Variants in RAD50 observed in about 807,000 individuals in gnomAD.
The protein encoded by RAD50 is DNA repair protein RAD50.
A neutral mutation model predicts 168.8 loss-of-function variants in RAD50; 132 were observed. The observed-to-expected ratio is 0.78, with a 90% CI of 0.68 to 0.90. The LOEUF (loss-of-function observed/expected upper bound fraction) is 0.90. RAD50 is among the 40% of genes least tolerant of loss of function. The pLI, the probability that RAD50 is intolerant of heterozygous loss-of-function variation, is 0.00. For missense variants in RAD50, 1,347 were observed against 1,534.4 expected (o/e 0.88, Z 2.04); for synonymous variants, 525 against 497.4 (o/e 1.06, Z -0.74).
In RAD50 at chr5:132,604,946, G is replaced by A; in HGVS notation, c.2665G>A (p.Glu889Lys). ...TTTGCAACGTCGTCAGCAACTGGAG[G>A]AGCAGACTGTGGAATTATCCACTGA... Reference protein sequence around the residue: ...TNLQRRQQLEEQTVELSTEVQ... With the variant: ...TNLQRRQQLEKQTVELSTEVQ... The change falls in exon 16 of 25, where the codon GAG (glutamate) becomes AAG (lysine). Residue 889 changes from glutamate to lysine, a missense_variant. Transcript: ENST00000378823. 1.2e-6 allele frequency: 2 copies of A among 1,613,984 alleles called. No homozygotes were observed. Among genetic ancestry groups the A allele is most frequent in the African/African-American group, 2.7e-5 (2 of 75,052 alleles).
intron 21 of RAD50, among the ~76,000 whole-genome samples, chr5:132,628,628 C>T (rs920307924): frequency 2.0e-5 from 3 of 151,934 alleles, no homozygotes; most frequent in African/African-American, 7.3e-5. Context: ...GGTGGATCAC[C>T]TGAAGTCAGG....
At chr5:132,590,791 A>T (rs2149841924) in intron 9 of RAD50, among the ~76,000 whole-genome samples, 1 of 152,304 alleles carries the variant, frequency 6.6e-6, no homozygotes, top group Non-Finnish European at 1.5e-5. Context: ...TTAGCACTTC[A>T]TCAGTGTTGT....
In RAD50 at chr5:132,618,098, G is replaced by A. The variant is rs749322677; in HGVS notation, c.3193G>A (p.Asp1065Asn). The A allele has an allele frequency of 5.0e-6, 8 of 1,613,296 alleles. No homozygotes were observed. Among genetic ancestry groups the A allele is most frequent in the East Asian group, 4.5e-5 (2 of 44,812 alleles). The change falls in exon 21 of 25, where the codon GAC (aspartate) becomes AAC (asparagine). Residue 1065 changes from aspartate (D) to asparagine (N), a missense_variant. Physicochemically the swap from Asp to Asn is conservative, Grantham distance 23. This residue lies in a region of RAD50 where 635 missense variants were observed against 739.2 expected (regional missense o/e 0.86). Coordinates refer to ENST00000378823, the MANE Select transcript of RAD50 (RefSeq NM_005732.4). ...SEHQKLEENIDNIKRNHNLAL... is the reference protein window; with the variant it reads ...SEHQKLEENINNIKRNHNLAL... ...ACATCAGAAGTTGGAAGAGAACATA[G>A]ACAATATAAAAAGAAATCATAATTT...
At chr5:132,586,755 C>G (rs1284453609) in intron 5 of RAD50, among the ~76,000 whole-genome samples, 6 of 152,076 alleles carry the variant, frequency 3.9e-5, no homozygotes, top group African/African-American at 1.4e-4. Flanking sequence ...GTCTCAGCTA[C>G]TTGGAGGCTG....
Position 132,603,485 on chromosome 5 carries a change from T to G in RAD50, c.2393T>G (p.Phe798Cys). Residue 798 changes from phenylalanine to cysteine, a missense_variant, in exon 14 of 25, where the codon TTC becomes TGC. Phe to Cys is a radical substitution (Grantham distance 205). Transcript: ENST00000378823. Reference sequence around the variant, plus strand: ...ACAGATGTTACAATTATGGAGAGGTTCCAGGTAAGTTTATTGTAGTTTAAG... The same window carrying G: ...ACAGATGTTACAATTATGGAGAGGTGCCAGGTAAGTTTATTGTAGTTTAAG... ...CLTDVTIMER[F>C]QMELKDVERK... The G allele has an allele frequency of 6.2e-7, 1 of 1,613,602 alleles. No homozygotes were observed. The highest frequency in any genetic ancestry group is 1.1e-5 in the South Asian group (1 of 91,070).
In RAD50 at chr5:132,587,550, CT is replaced by C; in HGVS notation, c.757-9del. 1 of 1,611,688 alleles carries C rather than the reference CT, an allele frequency of 6.2e-7. No individual in the cohort carries two copies. The highest frequency in any genetic ancestry group is 8.5e-7 in the Non-Finnish European group (1 of 1,179,058). ...AGTGAGTTTTATTTATGTAATGTTT[CT>C]TTATTTTCAGAATCGTCTAAAAGAA... On this transcript the variant is annotated splice_polypyrimidine_tract_variant and intron_variant, in intron 5 of 24. Coordinates refer to ENST00000378823, the MANE Select transcript of RAD50 (RefSeq NM_005732.4).
chr5:132,558,319 A>G (rs1204051633), intron 1 of RAD50, among the ~76,000 whole-genome samples: 1 of 152,238 alleles, frequency 6.6e-6, no homozygotes, highest in Non-Finnish European at 1.5e-5. Flanking sequence ...GGCTGCCTCA[A>G]TACAGCTTTT....
intron 21 of RAD50, 118 bp downstream of exon 21, chr5:132,618,412 CTT>C (rs1354031549): frequency 8.7e-6 from 13 of 1,491,966 alleles, no homozygotes; most frequent in Admixed American, 2.2e-5. Flanking sequence ...GAGTTTCACT[CTT>C]GTTTCCCAGG....
intron 1 of RAD50, among the ~76,000 whole-genome samples, chr5:132,557,943 C>A (rs1018046703): frequency 6.6e-6 from 1 of 151,106 alleles, no homozygotes; most frequent in Non-Finnish European, 1.5e-5. Flanking sequence ...TGTAGTGGGG[C>A]TTAACTTGGA....
At chr5:132,628,849 GAAAA>G (rs973538884) in intron 21 of RAD50, among the ~76,000 whole-genome samples, 1 of 145,332 alleles carries the variant, frequency 6.9e-6, no homozygotes, top group Non-Finnish European at 1.5e-5. Flanking sequence ...AACTGTCTCA[GAAAA>G]AAAAAAGAAA....
chr5:132,628,051 G>T (rs1176708097), intron 21 of RAD50, among the ~76,000 whole-genome samples: 8 of 152,220 alleles, frequency 5.3e-5, no homozygotes. Flanking sequence ...AGAACAGGTT[G>T]CCATTCCCTA....
chr5:132,633,974 C>T (rs571716943), intron 21 of RAD50, among the ~76,000 whole-genome samples: 45 of 152,082 alleles, frequency 3.0e-4, no homozygotes, highest in Non-Finnish European at 5.0e-4. Flanking sequence ...TATAAACTAA[C>T]GTTCTATATG....
intron 21 of RAD50, among the ~76,000 whole-genome samples, chr5:132,634,430 A>C (rs145081178): frequency 1.6e-3 from 245 of 152,024 alleles, no homozygotes; most frequent in African/African-American, 5.8e-3. Flanking sequence ...CTATCTCATT[A>C]GTCTGAATAA....
intron 21 of RAD50, among the ~76,000 whole-genome samples, chr5:132,626,390 G>A (rs1751372685): frequency 6.6e-6 from 1 of 152,096 alleles, no homozygotes; most frequent in African/African-American, 2.4e-5. Context: ...TCTCCATAGT[G>A]GTGATTTTGA....
rs149508378 is a variant in RAD50, at chr5:132,643,106, C to T, written c.*742C>T. ...ACCACTTGAGGCCTGATCTGCCCATCGTGAAGAAGCCTGTAACACTCCTCT... is the reference window on the plus strand; with the variant it reads ...ACCACTTGAGGCCTGATCTGCCCATTGTGAAGAAGCCTGTAACACTCCTCT... On this transcript the variant is annotated 3_prime_UTR_variant, in exon 25 of 25. Transcript: ENST00000378823. 2.8e-5 allele frequency: 15 copies of T among 527,834 alleles called. No homozygotes were observed. Among genetic ancestry groups the T allele is most frequent in the Non-Finnish European group, 4.6e-5 (12 of 261,546 alleles). The allele number at this position is 527,834 out of a possible 1,614,324, so 32.7% of individuals were successfully genotyped here. A position where few individuals can be genotyped will look rare whatever the true frequency, so the allele number is the denominator to read the frequency against.
intron 3 of RAD50, among the ~76,000 whole-genome samples, chr5:132,578,242 C>G (rs1189272603): frequency 6.6e-6 from 1 of 152,206 alleles, no homozygotes; most frequent in Admixed American, 6.5e-5. Context: ...TATGGTATAC[C>G]TCACCTTGGT....
At chr5:132,611,705 T>TAAAA (rs34112186) in intron 19 of RAD50, among the ~76,000 whole-genome samples, 3 of 102,976 alleles carry the variant, frequency 2.9e-5, no homozygotes, top group Non-Finnish European at 3.9e-5. Context: ...GACTCCGTCT[T>TAAAA]AAAAAAAAAA....
At position 132,638,108 on chromosome 5, in the gene RAD50, A is replaced by C. The variant is rs764131107; in HGVS notation, c.3503A>C (p.Asp1168Ala). The change falls in exon 23 of 25, where the codon GAT becomes GCT. Residue 1168 changes from aspartate (D) to alanine (A), a missense_variant. Asp to Ala is a moderately radical substitution (Grantham distance 126, BLOSUM62 -2). Transcript: ENST00000378823. The stretch of plus-strand genomic sequence containing the variant: ...ATTGAATACATAGAAATACGGTCTG[A>C]TGCCGATGAAAATGTATCAGCTTCT... The part of the protein sequence containing the change: ...QDIEYIEIRS[D>A]ADENVSASDK... 2 of 1,614,132 alleles carry C rather than the reference A, an allele frequency of 1.2e-6. No individual in the cohort carries two copies. Among genetic ancestry groups the C allele is most frequent in the Admixed American group, 3.3e-5 (2 of 60,032 alleles).
At chr5:132,590,639 A>G (rs983147850) in intron 9 of RAD50, among the ~76,000 whole-genome samples, 7 of 152,172 alleles carry the variant, frequency 4.6e-5, no homozygotes, top group African/African-American at 7.2e-5. Flanking sequence ...TCTTGCTTCT[A>G]GTCTGTCCTC....
Sources: allele counts gnomAD v4.1 joint callset (sites outside exome capture counted in the v4.1 genomes callset), GRCh38; gene constraint gnomAD v4.1.1; regional missense constraint gnomAD v4.1.1; transcripts MANE v1.5; gene names NCBI Gene and HGNC (gene_info 2026-07-23, HGNC 2026-07-21).